HECTD2: variants seen among roughly 807,000 people sequenced by gnomAD.
HECTD2 encodes the protein probable E3 ubiquitin-protein ligase HECTD2.
Under a neutral mutation model 103.2 loss-of-function variants are expected in HECTD2, and 35 were observed. The ratio of observed to expected loss-of-function variants is 0.34; its 90% confidence interval spans 0.26 to 0.45. The LOEUF (loss-of-function observed/expected upper bound fraction) is 0.45. Among genes scored for constraint, HECTD2 ranks in the 20% least tolerant of loss-of-function variants. The probability of loss-of-function intolerance (pLI) is 1.00; values close to 1 mark genes in which losing one functional copy is unlikely to be tolerated. For missense variants in HECTD2, 596 were observed against 937.4 expected, an observed-to-expected ratio of 0.64 and a Z score of 4.76; for synonymous variants, 281 against 329.9, an observed-to-expected ratio of 0.85 and a Z score of 1.61.
At chr10:91,473,164 A>T (rs980566696) in intron 5 of HECTD2, among the ~76,000 whole-genome samples, 4 of 152,182 alleles carry the variant, frequency 2.6e-5, no homozygotes, top group African/African-American at 4.8e-5. Flanking sequence ...AGACATGCAG[A>T]CAAAGTAGTG....
chr10:91,440,352 C>T (rs55718133), intron 2 of HECTD2, among the ~76,000 whole-genome samples: 30,536 of 151,956 alleles, frequency 0.2, 7,291 homozygotes, highest in African/African-American at 0.58. Flanking sequence ...TTTTTGTCAT[C>T]GGTTCTTTTT....
chr10:91,503,451 A>T (rs1846993440), intron 20 of HECTD2, among the ~76,000 whole-genome samples: 1 of 152,228 alleles, frequency 6.6e-6, no homozygotes, highest in Non-Finnish European at 1.5e-5. Flanking sequence ...AGGGCGAGGC[A>T]TTGCCTCACT....
intron 6 of HECTD2, among the ~76,000 whole-genome samples, chr10:91,480,101 A>T (rs1846040272): frequency 6.6e-6 from 1 of 152,106 alleles, no homozygotes; most frequent in Non-Finnish European, 1.5e-5. Flanking sequence ...CCCCTGTTAC[A>T]TCTCAGTTAA....
chr10:91,444,870 G>A (rs1436726976), intron 2 of HECTD2, among the ~76,000 whole-genome samples: 2 of 152,110 alleles, frequency 1.3e-5, no homozygotes, highest in South Asian at 2.1e-4. Flanking sequence ...ATCATTTAGG[G>A]TTCATTCAGC....
chr10:91,472,904 A>G (rs1053342114), intron 5 of HECTD2, among the ~76,000 whole-genome samples: 2 of 152,190 alleles, frequency 1.3e-5, no homozygotes, highest in African/African-American at 4.8e-5. Context: ...GAATTAGTAA[A>G]CTGGAAGGTA....
chr10:91,502,193 C>T (rs1846928485), intron 20 of HECTD2, among the ~76,000 whole-genome samples: 2 of 152,076 alleles, frequency 1.3e-5, no homozygotes, highest in Admixed American at 1.3e-4. Context: ...TAAAATAAAG[C>T]TCTAGTCTTC....
At chr10:91,455,833 C>A (rs1845062087) in intron 2 of HECTD2, among the ~76,000 whole-genome samples, 1 of 152,028 alleles carries the variant, frequency 6.6e-6, no homozygotes, top group Non-Finnish European at 1.5e-5. Context: ...ATAGGGAATC[C>A]TTTCCCTATT....
intron 2 of HECTD2, among the ~76,000 whole-genome samples, chr10:91,454,082 G>C (rs935054448): frequency 9.2e-5 from 14 of 152,130 alleles, no homozygotes; most frequent in African/African-American, 2.6e-4. Flanking sequence ...TCCACAATTA[G>C]GTATTGAAGT....
intron 1 of HECTD2, among the ~76,000 whole-genome samples, chr10:91,421,561 C>T (rs567877721): frequency 4.5e-4 from 69 of 152,238 alleles, no homozygotes; most frequent in Admixed American, 2.8e-3. Flanking sequence ...TGTGTTGGGC[C>T]GCATTCAAAG....
chr10:91,501,976 T>G (rs1052783250), intron 20 of HECTD2, among the ~76,000 whole-genome samples: 2 of 152,132 alleles, frequency 1.3e-5, no homozygotes, highest in African/African-American at 4.8e-5. Context: ...CATTGAACAT[T>G]CCCTAAGTGC....
chr10:91,410,342 C>T (rs1276204354), upstream of HECTD2: 6 of 715,208 alleles, frequency 8.4e-6, no homozygotes, highest in Admixed American at 5.2e-5. Flanking sequence ...AAGCGGCAGC[C>T]CAGAGCCCTC....
intron 1 of HECTD2, among the ~76,000 whole-genome samples, chr10:91,416,651 G>A (rs1843138365): frequency 1.3e-5 from 2 of 152,300 alleles, no homozygotes; most frequent in South Asian, 4.1e-4. Context: ...TCATTGTTAA[G>A]TGACACATGA....
At chr10:91,467,726 G>A (rs1284124836) in intron 5 of HECTD2, among the ~76,000 whole-genome samples, 7 of 151,558 alleles carry the variant, frequency 4.6e-5, no homozygotes, top group East Asian at 2.0e-4. Context: ...CAAGGTTTGC[G>A]AGTGAGTGGA....
At chr10:91,459,424 A>G (rs1564717629) in intron 2 of HECTD2, among the ~76,000 whole-genome samples, 1 of 152,066 alleles carries the variant, frequency 6.6e-6, no homozygotes, top group Non-Finnish European at 1.5e-5. Flanking sequence ...CTAAAAACAG[A>G]TGTCCTTCAG....
intron 2 of HECTD2, among the ~76,000 whole-genome samples, chr10:91,430,975 C>T (rs938845651): frequency 6.6e-6 from 1 of 151,302 alleles, no homozygotes; most frequent in African/African-American, 2.4e-5. Context: ...TTCCTAGTCT[C>T]GATGGTCTTT....
In HECTD2 at chr10:91,485,264, A is replaced by C; in HGVS notation, c.1055A>C (p.Glu352Ala). 6.3e-7 allele frequency: 1 copy of C among 1,595,898 alleles called. No individual in the cohort carries two copies. Among genetic ancestry groups the C allele is most frequent in the Non-Finnish European group, 8.5e-7 (1 of 1,172,224 alleles). The change falls in exon 10 of 21, where the codon GAA (glutamate) becomes GCA (alanine). Residue 352 changes from glutamate to alanine, a missense_variant. By Grantham distance (107) the Glu-to-Ala change is moderately radical. Coordinates refer to ENST00000298068, the MANE Select transcript of HECTD2 (RefSeq NM_182765.6). Reference sequence around the variant, plus strand: ...ACATTGGATCACATTGATCTCATGGAAGAATATCATACTTGGCAAAACTTT... The same window carrying C: ...ACATTGGATCACATTGATCTCATGGCAGAATATCATACTTGGCAAAACTTT... ...NSTLDHIDLMEEYHTWQNFGN... is the reference protein window; with the variant it reads ...NSTLDHIDLMAEYHTWQNFGN...
intron 2 of HECTD2, among the ~76,000 whole-genome samples, chr10:91,432,070 G>A (rs1479174136): frequency 2.0e-5 from 3 of 151,910 alleles, no homozygotes; most frequent in Non-Finnish European, 4.4e-5. Context: ...GTGTGGCATG[G>A]AGTTTATTTG....
At chr10:91,434,394 C>T (rs895159286) in intron 2 of HECTD2, among the ~76,000 whole-genome samples, 13 of 152,010 alleles carry the variant, frequency 8.6e-5, no homozygotes, top group African/African-American at 2.9e-4. Context: ...GGTACTCACA[C>T]GTTGTCAGTT....
chr10:91,435,752 G>A (rs556007059), intron 2 of HECTD2, among the ~76,000 whole-genome samples: 1 of 152,022 alleles, frequency 6.6e-6, no homozygotes, highest in Non-Finnish European at 1.5e-5. Context: ...TATATACTCG[G>A]TCTAGCAGCT....
Sources: allele counts gnomAD v4.1 joint callset (sites outside exome capture counted in the v4.1 genomes callset), GRCh38; gene constraint gnomAD v4.1.1; transcripts MANE v1.5; gene names NCBI Gene and HGNC (gene_info 2026-07-23, HGNC 2026-07-21).